The following PGR variants were observed in gnomAD, a reference collection of about 807,000 sequenced individuals.
The protein encoded by PGR is nuclear receptor subfamily 3 group C member 3.
Under a neutral mutation model 76.1 loss-of-function variants are expected in PGR, and 25 were observed. That is an observed-to-expected ratio of 0.33 (90% confidence interval 0.24 to 0.46). The LOEUF is 0.46. Ranked by LOEUF, PGR falls within the 20% of genes least tolerant of loss-of-function variation. PGR has a pLI of 1.00. For missense variants in PGR, 1,172 were observed against 1,225.3 expected, an observed-to-expected ratio of 0.96 and a Z score of 0.65; for synonymous variants, 579 against 535.0, an observed-to-expected ratio of 1.08 and a Z score of -1.14.
intron 6 of PGR, among the ~76,000 whole-genome samples, chr11:101,048,791 C>A (rs1182581844): frequency 6.6e-6 from 1 of 152,024 alleles, no homozygotes; most frequent in African/African-American, 2.4e-5. Context: ...ATTTTTATTT[C>A]TTTTATAATA....
intron 2 of PGR, among the ~76,000 whole-genome samples, chr11:101,097,673 CTTT>C (rs539303704): frequency 1.3e-5 from 2 of 151,874 alleles, no homozygotes; most frequent in African/African-American, 4.8e-5. Flanking sequence ...CACCTTTTAA[CTTT>C]TTTTCTTACA....
intron 3 of PGR, among the ~76,000 whole-genome samples, chr11:101,070,762 A>G (rs1860904681): frequency 6.6e-6 from 1 of 152,182 alleles, no homozygotes; most frequent in Non-Finnish European, 1.5e-5. Flanking sequence ...CTGTAGCCAG[A>G]CTGCCTCTCT....
At chr11:101,091,353 C>T (rs1861668334) in intron 3 of PGR, among the ~76,000 whole-genome samples, 2 of 152,170 alleles carry the variant, frequency 1.3e-5, no homozygotes, top group Non-Finnish European at 2.9e-5. Context: ...GACCAATTTG[C>T]AGAGTCAATT....
At chr11:101,087,736 G>GT (rs1861541027) in intron 3 of PGR, among the ~76,000 whole-genome samples, 4 of 127,764 alleles carry the variant, frequency 3.1e-5, no homozygotes, top group African/African-American at 9.5e-5. Flanking sequence ...AGTTGAACAA[G>GT]CAAAAAAAAA....
At position 101,108,621 on chromosome 11, in the gene PGR, G is replaced by A. The variant is rs1036397979; in HGVS notation, c.1790-16745C>T. Among the ~76,000 whole-genome samples, 8 of 152,256 alleles carry A rather than the reference G, an allele frequency of 5.3e-5. No homozygotes were observed. The East Asian group carries it at 9.7e-4, about 18-fold the overall frequency. Reference sequence around the variant, plus strand: ...CCCAGTGGTGTGCTTTAGTGAAAGCGGTTTAATTTTTGGAGTCTGCCAGAA... The same window carrying A: ...CCCAGTGGTGTGCTTTAGTGAAAGCAGTTTAATTTTTGGAGTCTGCCAGAA... On this transcript the variant is annotated intron_variant, in intron 2 of 7. Transcript: ENST00000325455.
chr11:101,083,903 T>A (rs1861400943), intron 3 of PGR, among the ~76,000 whole-genome samples: 1 of 152,156 alleles, frequency 6.6e-6, no homozygotes, highest in Admixed American at 6.5e-5. Context: ...GGGGGACTGT[T>A]GGGAAGGCAT....
chr11:101,129,165 G>C lies in PGR; in HGVS notation c.-95C>G, dbSNP rs1863020424. On this transcript the variant is annotated 5_prime_UTR_variant, in exon 1 of 8. Transcript: ENST00000325455. The stretch of plus-strand genomic sequence containing the variant: ...CGGGAATATAGGGGCAGAGGGAGGA[G>C]AAAGTGGGTGTTGAATGTGGCTGGA... The C allele has an allele frequency of 1.5e-5, 13 of 879,726 alleles. No homozygotes were observed. In the South Asian group the frequency reaches 2.6e-4, roughly 18 times the overall value. The allele number at this position is 879,726 out of a possible 1,614,324, so 54.5% of individuals were successfully genotyped here.
At chr11:101,119,334 A>G (rs1376931128) in intron 2 of PGR, among the ~76,000 whole-genome samples, 2 of 152,192 alleles carry the variant, frequency 1.3e-5, no homozygotes, top group Non-Finnish European at 2.9e-5. Flanking sequence ...AGTGTCAATT[A>G]TTTCAATCAA....
At position 101,128,078 on chromosome 11, in the gene PGR, G is replaced by A. The variant is rs1213980915; in HGVS notation, c.993C>T (p.Gly331=). 8 of 1,600,260 alleles carry A rather than the reference G, an allele frequency of 5.0e-6. No homozygotes were observed. Among genetic ancestry groups the A allele is most frequent in the South Asian group, 1.1e-5 (1 of 91,060 alleles). The part of the protein sequence containing the change: ...RQLLEDESYD[G]GAGAASAFAP... The stretch of plus-strand genomic sequence containing the variant: ...CAAAGGCGCTGGCAGCCCCGGCCCC[G>A]CCGTCGTAACTTTCGTCTTCCAGCA... The change falls in exon 1 of 8, where the codon GGC becomes GGT. Residue 331 remains glycine (G), a synonymous_variant. Transcript: ENST00000325455.
Position 101,062,503 on chromosome 11 carries a change from T to G in PGR, c.2156A>C (p.Asn719Thr). The G allele has an allele frequency of 6.2e-7, 1 of 1,614,070 alleles. No homozygotes were observed. The highest frequency in any genetic ancestry group is 8.5e-7 in the Non-Finnish European group (1 of 1,179,928). The change falls in exon 4 of 8, where the codon AAT (asparagine) becomes ACT (threonine). Residue 719 changes from asparagine to threonine, a missense_variant. Physicochemically the swap from Asn to Thr is moderately conservative, Grantham distance 65. This residue lies in a region of PGR where 166 missense variants were observed against 296.0 expected (regional missense o/e 0.56). Coordinates refer to ENST00000325455, the MANE Select transcript of PGR (RefSeq NM_000926.4). ...AAGAAGTTGCCTCTCGCCTAGTTGA[T>G]TAAGACTTGTCAGCAAAGAACTGGA... ...DTSSSLLTSL[N>T]QLGERQLLSV...
intron 2 of PGR, among the ~76,000 whole-genome samples, chr11:101,096,334 GA>G (rs1861829847): frequency 6.6e-6 from 1 of 152,204 alleles, no homozygotes; most frequent in Admixed American, 6.5e-5. Flanking sequence ...ATTAAGTGAT[GA>G]GCCATCAAAA....
intron 7 of PGR, among the ~76,000 whole-genome samples, chr11:101,041,321 G>T (rs900027507): frequency 2.6e-5 from 4 of 151,966 alleles, no homozygotes; most frequent in African/African-American, 9.7e-5. Flanking sequence ...GAACATAGTA[G>T]CAATAAAAGC....
chr11:101,038,491 G>T lies in PGR; in HGVS notation c.*625C>A. On this transcript the variant is annotated 3_prime_UTR_variant, in exon 8 of 8. Coordinates refer to ENST00000325455, the MANE Select transcript of PGR (RefSeq NM_000926.4). ...GAATCTACTTATTAACTTCCTAAGA[G>T]ATTTGTGTTTCCAATCTGGAAAATG... 1 of 227,986 alleles carries T rather than the reference G, an allele frequency of 4.4e-6. No homozygotes were observed. The highest frequency in any genetic ancestry group is 8.7e-6 in the Non-Finnish European group (1 of 114,798). The allele number at this position is 227,986 out of a possible 1,614,324, so 14.1% of individuals were successfully genotyped here. A position where few individuals can be genotyped will look rare whatever the true frequency, so the allele number is the denominator to read the frequency against.
At chr11:101,055,214 A>T (rs1320790821) in intron 4 of PGR, among the ~76,000 whole-genome samples, 1 of 151,966 alleles carries the variant, frequency 6.6e-6, no homozygotes, top group Non-Finnish European at 1.5e-5. Context: ...AGAGATTGAG[A>T]CCATCTTGGC....
chr11:101,122,091 C>T (rs1158127609), intron 2 of PGR, among the ~76,000 whole-genome samples: 1 of 142,578 alleles, frequency 7.0e-6, no homozygotes, highest in African/African-American at 2.6e-5. Context: ...GGAGGCGGAG[C>T]TTGCAGTGAG....
Position 101,128,862 on chromosome 11 carries a change from G to A in PGR, c.209C>T (p.Ser70Phe). The A allele has an allele frequency of 6.2e-7, 1 of 1,614,148 alleles. No homozygotes were observed. Residue 70 changes from serine to phenylalanine, a missense_variant, in exon 1 of 8, where the codon TCC (serine) becomes TTC (phenylalanine). This residue lies in a region of PGR where 893 missense variants were observed against 785.9 expected (regional missense o/e 1.14). Coordinates refer to ENST00000325455, the MANE Select transcript of PGR (RefSeq NM_000926.4). ...CTGCTGGTCCTGCGTCTTTTCGTCG[G>A]AGGGGTCCTGTCCCTGGCAGGGCCG... ...FPRPCQGQDP[S>F]DEKTQDQQSL...
At position 101,033,529 on chromosome 11, in the gene PGR, G is replaced by A. The variant is rs1247885596; in HGVS notation, c.*5587C>T. On this transcript the variant is annotated 3_prime_UTR_variant, in exon 8 of 8. Transcript: ENST00000325455. ...CATTTTATACTATCAAGTTAAGGCTGCACAAAATATATCAAATCTGTGTGG... is the reference window on the plus strand; with the variant it reads ...CATTTTATACTATCAAGTTAAGGCTACACAAAATATATCAAATCTGTGTGG... 1.0e-5 allele frequency: 2 copies of A among 192,012 alleles called. No individual in the cohort carries two copies. Among genetic ancestry groups the A allele is most frequent in the Non-Finnish European group, 2.2e-5 (2 of 91,840 alleles). 11.9% of individuals were successfully genotyped at this position (192,012 alleles called of 1,614,324 possible). A position where few individuals can be genotyped will look rare whatever the true frequency, so the allele number is the denominator to read the frequency against.
intron 2 of PGR, among the ~76,000 whole-genome samples, chr11:101,115,769 C>CAAA (rs60883024): frequency 1.5e-3 from 225 of 147,196 alleles, no homozygotes; most frequent in South Asian, 1.9e-3. Context: ...GACTCCCTCT[C>CAAA]AAAAAAAAAA....
chr11:101,119,943 C>A (rs975320817), intron 2 of PGR, among the ~76,000 whole-genome samples: 1 of 152,188 alleles, frequency 6.6e-6, no homozygotes, highest in East Asian at 1.9e-4. Flanking sequence ...TAGATACTAA[C>A]AGAACCTCCA....
Sources: allele counts gnomAD v4.1 joint callset (sites outside exome capture counted in the v4.1 genomes callset), GRCh38; gene constraint gnomAD v4.1.1; regional missense constraint gnomAD v4.1.1; transcripts MANE v1.5; gene names NCBI Gene and HGNC (gene_info 2026-07-23, HGNC 2026-07-21).